The following GAK variants were observed in gnomAD, a reference collection of about 807,000 sequenced individuals.
GAK encodes cyclin-G-associated kinase.
GAK carries 79 observed loss-of-function variants against 143.9 expected under a neutral mutation model. That is an observed-to-expected ratio of 0.55 (90% CI 0.46 to 0.66). The LOEUF (loss-of-function observed/expected upper bound fraction) is 0.66, where lower values mean the gene tolerates loss of function less well. Ranked by LOEUF, GAK falls within the 30% of genes least tolerant of loss-of-function variation. The probability of loss-of-function intolerance (pLI) is 0.00; values close to 1 mark genes in which losing one functional copy is unlikely to be tolerated. For missense variants in GAK, 1,693 were observed against 1,779.7 expected, an observed-to-expected ratio of 0.95 and a Z score of 0.88; for synonymous variants, 881 against 765.5, an observed-to-expected ratio of 1.15 and a Z score of -2.49.
At chr4:883,725 T>A (rs1577152967) in intron 12 of GAK, among the ~76,000 whole-genome samples, 1 of 152,190 alleles carries the variant, frequency 6.6e-6, no homozygotes, top group African/African-American at 2.4e-5. Flanking sequence ...TGTCTCCAGG[T>A]GTCGGGATGA....
intron 15 of GAK, among the ~76,000 whole-genome samples, chr4:879,625 G>A (rs934652282): frequency 2.6e-5 from 4 of 152,136 alleles, no homozygotes; most frequent in Admixed American, 6.5e-5. Flanking sequence ...AGTTCTGACC[G>A]GTATGCACCC....
chr4:877,977 ATG>A (rs544662319), intron 15 of GAK, among the ~76,000 whole-genome samples, 168 bp from the exon 16 acceptor site: 2 of 152,012 alleles, frequency 1.3e-5, no homozygotes, highest in Admixed American at 6.6e-5. Context: ...TTATATATAT[ATG>A]TGTGTGTGTA....
chr4:851,121 G>C (rs772783798), intron 25 of GAK, 37 bp from the exon 26 acceptor site: 2 of 1,586,720 alleles, frequency 1.3e-6, no homozygotes, highest in South Asian at 1.1e-5. Context: ...GTTTGAGACA[G>C]GGTCTCCACT....
At chr4:909,409 A>C (rs1721637808) in intron 4 of GAK, among the ~76,000 whole-genome samples, 1 of 152,078 alleles carries the variant, frequency 6.6e-6, no homozygotes, top group Non-Finnish European at 1.5e-5. Context: ...CCGAACACAC[A>C]CAGGAGCCTT....
intron 18 of GAK, 101 bp from the exon 19 acceptor site, chr4:871,005 C>T: frequency 1.8e-6 from 2 of 1,088,058 alleles, no homozygotes; most frequent in Non-Finnish European, 1.3e-6. Context: ...GTGGCAGCTG[C>T]AGGCAGCGGG....
intron 23 of GAK, among the ~76,000 whole-genome samples, chr4:863,184 G>T (rs1750597332): frequency 6.6e-6 from 1 of 152,278 alleles, no homozygotes; most frequent in Non-Finnish European, 1.5e-5. Flanking sequence ...GAAGACTTCA[G>T]TGCAGGAAGT....
intron 18 of GAK, 49 bp downstream of exon 18, chr4:876,481 G>A (rs368102794): frequency 9.8e-6 from 15 of 1,524,222 alleles, no homozygotes; most frequent in Non-Finnish European, 1.3e-5. Flanking sequence ...AGGTGCTGCG[G>A]CACAGGGCAC....
At chr4:924,374 G>A (rs561140593) in intron 1 of GAK, among the ~76,000 whole-genome samples, 2 of 152,202 alleles carry the variant, frequency 1.3e-5, no homozygotes, top group East Asian at 3.9e-4. Flanking sequence ...TGCAGCTACC[G>A]TGGAAGGAGG....
chr4:865,209 A>G lies in GAK; in HGVS notation c.3079T>C (p.Ser1027Pro), dbSNP rs1057475395. ...CCCAGCAGGTCTGGGTTGCTGGACG[A>G]GGCTGTCATCTTGCTGGGCTCTCCT... ...LPGEPSKMTA[S>P]SSNPDLLGGW... Residue 1027 changes from serine (S) to proline (P), a missense_variant, in exon 23 of 28, where the codon TCG becomes CCG. By Grantham distance (74) the Ser-to-Pro change is moderately conservative (BLOSUM62 -1). Coordinates refer to ENST00000314167, the MANE Select transcript of GAK (RefSeq NM_005255.4). 9.3e-6 allele frequency: 15 copies of G among 1,613,240 alleles called. No individual in the cohort carries two copies. In the Admixed American group the frequency reaches 2.3e-4, roughly 25 times the overall value.
chr4:883,168 C>G (rs931582345), intron 13 of GAK, 147 bp downstream of exon 13: 2 of 948,270 alleles, frequency 2.1e-6, no homozygotes, highest in Non-Finnish European at 3.1e-6. Context: ...ACCTCGCCCC[C>G]TCCTGTCCCA....
In GAK at chr4:865,212, C is replaced by T. The variant is rs1256741389; in HGVS notation, c.3076G>A (p.Ala1026Thr). Residue 1026 changes from alanine (A) to threonine (T), a missense_variant, in exon 23 of 28, where the codon GCC (alanine) becomes ACC (threonine). Ala to Thr is a moderately conservative substitution (Grantham distance 58). This residue lies in a region of GAK where 822 missense variants were observed against 788.7 expected (regional missense o/e 1.04). Transcript: ENST00000314167. ...DLPGEPSKMT[A>T]SSSNPDLLGG... ...AGCAGGTCTGGGTTGCTGGACGAGG[C>T]TGTCATCTTGCTGGGCTCTCCTGGC... is the stretch of plus-strand genomic sequence containing the variant. 7.4e-6 allele frequency: 12 copies of T among 1,613,442 alleles called. No homozygotes were observed. Among genetic ancestry groups the T allele is most frequent in the Non-Finnish European group, 1.0e-5 (12 of 1,179,886 alleles).
intron 11 of GAK, among the ~76,000 whole-genome samples, chr4:885,226 CAA>C (rs1490015845): frequency 6.6e-6 from 1 of 152,182 alleles, no homozygotes; most frequent in Non-Finnish European, 1.5e-5. Context: ...CAGCAAGAGA[CAA>C]ACAGGCCACA....
At chr4:906,407 T>C (rs1023248073) in intron 4 of GAK, among the ~76,000 whole-genome samples, 3 of 152,144 alleles carry the variant, frequency 2.0e-5, no homozygotes, top group Non-Finnish European at 4.4e-5. Flanking sequence ...GGCTGGCACC[T>C]TCCAGGCACC....
At position 877,853 on chromosome 4, in the gene GAK, G is replaced by A. The variant is rs1386749474; in HGVS notation, c.1662-44C>T. On this transcript the variant is annotated intron_variant, in intron 15 of 27. Coordinates refer to ENST00000314167, the MANE Select transcript of GAK (RefSeq NM_005255.4). ...CGTCACCACGTGACGTGCCCTGAGAGGGGACCACACAGCTGATTTTGTCTT... is the reference window on the plus strand; with the variant it reads ...CGTCACCACGTGACGTGCCCTGAGAAGGGACCACACAGCTGATTTTGTCTT... 8.0e-6 allele frequency: 12 copies of A among 1,503,512 alleles called. 1 individual carries two copies. Among genetic ancestry groups the A allele is most frequent in the Middle Eastern group, 1.8e-4 (1 of 5,662 alleles). The allele number at this position is 1,503,512 out of a possible 1,614,324, so 93.1% of individuals were successfully genotyped here. A position where few individuals can be genotyped will look rare whatever the true frequency, so the allele number is the denominator to read the frequency against.
In GAK at chr4:922,541, A is replaced by T. The variant is rs1724077028; in HGVS notation, c.146-8873T>A. Among the ~76,000 whole-genome samples the T allele has an allele frequency of 2.7e-5, 4 of 149,490 alleles. No homozygotes were observed. The South Asian group carries it at 8.5e-4, about 32-fold the overall frequency. ...AAAAAAAAAAAAAAAAAAAGGCAGC[A>T]TCTGCAAACCAGCAAAAGAGGCCTC... On this transcript the variant is annotated intron_variant, in intron 1 of 27. Coordinates refer to ENST00000314167, the MANE Select transcript of GAK (RefSeq NM_005255.4).
rs768163932 is a variant in GAK, at chr4:888,861, G to T, written c.1191C>A (p.Ile397=). ...TNLKDTSSKV[I]QSVANYAKGD... The stretch of plus-strand genomic sequence containing the variant: ...CTCACACTCACTTAGCGACGGACTG[G>T]ATGACCTTGGAGGAGGTGTCCTTGA... The change falls in exon 11 of 28, where the codon ATC becomes ATA. Residue 397 remains isoleucine, a synonymous_variant. Transcript: ENST00000314167. 1.3e-5 allele frequency: 21 copies of T among 1,607,408 alleles called. No homozygotes were observed. In the African/African-American group the frequency reaches 2.7e-4, roughly 20 times the overall value.
chr4:849,833 G>GGGCGCCCCCCCC, intron 27 of GAK, 59 bp from the exon 28 acceptor site: 1 of 1,190,154 alleles, frequency 8.4e-7, no homozygotes, highest in Non-Finnish European at 1.2e-6. Context: ...GGCGGGGCAG[G>GGGCGCCCCCCCC]ACCCCCCCCC....
At chr4:889,758 C>G (rs906109593) in intron 10 of GAK, among the ~76,000 whole-genome samples, 1 of 152,200 alleles carries the variant, frequency 6.6e-6, no homozygotes, top group South Asian at 2.1e-4. Flanking sequence ...CAGACCCAGC[C>G]GCTGCCTGTC....
intron 1 of GAK, among the ~76,000 whole-genome samples, chr4:914,357 G>A (rs1289168448): frequency 2.0e-5 from 2 of 101,104 alleles, no homozygotes; most frequent in East Asian, 3.2e-4. Context: ...CACAGCCCCA[G>A]CGTGCACGGC....
Sources: allele counts gnomAD v4.1 joint callset (sites outside exome capture counted in the v4.1 genomes callset), GRCh38; gene constraint gnomAD v4.1.1; regional missense constraint gnomAD v4.1.1; transcripts MANE v1.5; gene names NCBI Gene and HGNC (gene_info 2026-07-23, HGNC 2026-07-21).